The following OPN5 variants were observed in gnomAD, a reference collection of about 807,000 sequenced individuals.
The protein encoded by OPN5 is opsin-5.
In OPN5, 18 loss-of-function variants were observed where a neutral mutation model predicts 41.7. The observed-to-expected ratio is 0.43, with a 90% CI of 0.30 to 0.64. OPN5 has a LOEUF of 0.64. OPN5 is among the 30% of genes least tolerant of loss of function. OPN5 has a pLI of 0.13. For synonymous variants in OPN5, 178 were observed against 164.3 expected (o/e 1.08, Z -0.64); for missense variants, 318 against 434.5 (o/e 0.73, Z 2.38).
rs532885369 is a variant in OPN5, at chr6:47,808,997, A to T, written c.998+602A>T. On this transcript the variant is annotated intron_variant, in intron 5 of 6. Coordinates refer to ENST00000371211, the Ensembl canonical transcript of OPN5. ...ACAGCCAGAAAGTAGCAGAGGAGAAATTCAAATTCAAGTCTACTGGGTTTC... is the reference window on the plus strand; with the variant it reads ...ACAGCCAGAAAGTAGCAGAGGAGAATTTCAAATTCAAGTCTACTGGGTTTC... 5.3e-4 allele frequency among the ~76,000 whole-genome samples: 80 copies of T among 152,326 alleles called. 1 individual carries two copies. The South Asian group carries it at 0.016, about 30-fold the overall frequency.
intron 4 of OPN5, among the ~76,000 whole-genome samples, chr6:47,800,453 A>T (rs192044183): frequency 3.3e-5 from 5 of 152,308 alleles, no homozygotes; most frequent in Non-Finnish European, 1.5e-5. Context: ...TATGAGTGTC[A>T]GACATGCAAA....
intron 4 of OPN5, among the ~76,000 whole-genome samples, chr6:47,797,994 G>C (rs1421716165): frequency 6.6e-6 from 1 of 152,012 alleles, no homozygotes; most frequent in Non-Finnish European, 1.5e-5. Flanking sequence ...AATTTGATTT[G>C]TTATTATTCT....
In OPN5 at chr6:47,795,474, A is replaced by AT; in HGVS notation, c.669dup (p.Ala224CysfsTer4). The AT allele has an allele frequency of 6.2e-7, 1 of 1,614,120 alleles. No individual in the cohort carries two copies. Among genetic ancestry groups the AT allele is most frequent in the Non-Finnish European group, 8.5e-7 (1 of 1,179,980 alleles). The stretch of plus-strand genomic sequence containing the variant: ...GATCGTGTTCTCCTACGTAAAGATC[A>AT]TTGCCAAGGTTAAGTCCTCTTCCAA... On this transcript the variant is annotated frameshift_variant, in exon 4 of 7. Coordinates refer to ENST00000371211, the Ensembl canonical transcript of OPN5. LOFTEE classifies it high-confidence loss of function.
intron 6 of OPN5, among the ~76,000 whole-genome samples, chr6:47,819,618 A>G (rs1381807765): frequency 6.6e-6 from 1 of 151,790 alleles, no homozygotes; most frequent in Non-Finnish European, 1.5e-5. Flanking sequence ...CGTGTTTCCC[A>G]TTATAGTGTC....
Position 47,817,729 on chromosome 6 carries a change from T to C in OPN5, c.1056+5998T>C, listed in dbSNP as rs1162796361. On this transcript the variant is annotated intron_variant, in intron 6 of 6. Transcript: ENST00000371211. Reference sequence around the variant, plus strand: ...CTTTTCCCATTGGATGTGGTCACAGTCAGAGGTGTCCTGAGAAATAGTACC... The same window carrying C: ...CTTTTCCCATTGGATGTGGTCACAGCCAGAGGTGTCCTGAGAAATAGTACC... Among the ~76,000 whole-genome samples, 4 of 152,300 alleles carry C rather than the reference T, an allele frequency of 2.6e-5. No individual in the cohort carries two copies. In the East Asian group the frequency reaches 5.8e-4, roughly 22 times the overall value.
chr6:47,796,246 A>T (rs1773566409), intron 4 of OPN5, among the ~76,000 whole-genome samples: 1 of 152,226 alleles, frequency 6.6e-6, no homozygotes, highest in Non-Finnish European at 1.5e-5. Flanking sequence ...TCACTTGCAT[A>T]ACAGGAATAG....
intron 2 of OPN5, among the ~76,000 whole-genome samples, chr6:47,788,798 G>T (rs1773273321): frequency 3.4e-5 from 1 of 29,350 alleles, no homozygotes; most frequent in South Asian, 2.5e-3. Flanking sequence ...GTTATATTAG[G>T]ATAACCTGGG....
intron 6 of OPN5, among the ~76,000 whole-genome samples, chr6:47,816,686 C>T (rs552943479): frequency 1.1e-4 from 16 of 151,932 alleles, no homozygotes; most frequent in African/African-American, 3.9e-4. Context: ...ACTCAGGTGC[C>T]GTCATTTACC....
In OPN5 at chr6:47,823,976, T is replaced by C. The variant is rs761814745; in HGVS notation, c.1057-7T>C. The C allele has an allele frequency of 6.5e-7, 1 of 1,550,262 alleles. No homozygotes were observed. The highest frequency in any genetic ancestry group is 1.2e-5 in the South Asian group (1 of 84,030). ...CACCCTAAAACTCAATTTTTTCTTCTCTACAGTGGGAATAACAAATGTTCT... is the reference window on the plus strand; with the variant it reads ...CACCCTAAAACTCAATTTTTTCTTCCCTACAGTGGGAATAACAAATGTTCT... On this transcript the variant is annotated splice_polypyrimidine_tract_variant and splice_region_variant and intron_variant, in intron 6 of 6. Transcript: ENST00000371211.
At position 47,782,216 on chromosome 6, in the gene OPN5, C is replaced by T. The variant is rs200113583; in HGVS notation, c.130+20C>T. On this transcript the variant is annotated intron_variant, in intron 1 of 6. Coordinates refer to ENST00000371211, the Ensembl canonical transcript of OPN5. ...TAATTGGTAAGCTTCCTTAATTCTT[C>T]TGTGCAAAGGCTGCATTTAGAAAAT... is the stretch of plus-strand genomic sequence containing the variant. 3.1e-6 allele frequency: 5 copies of T among 1,610,484 alleles called. No homozygotes were observed. The African/African-American group carries it at 5.3e-5, about 17-fold the overall frequency.
At chr6:47,784,743 A>T (rs1475602894) in intron 1 of OPN5, among the ~76,000 whole-genome samples, 10 of 152,086 alleles carry the variant, frequency 6.6e-5, no homozygotes, top group Admixed American at 3.3e-4. Flanking sequence ...ATAAATTACA[A>T]ACCCATTTTC....
intron 2 of OPN5, among the ~76,000 whole-genome samples, chr6:47,791,443 G>C (rs1266979236): frequency 1.3e-5 from 2 of 152,210 alleles, no homozygotes; most frequent in Non-Finnish European, 2.9e-5. Flanking sequence ...GCAACAACAT[G>C]TTAAAAGTGA....
chr6:47,793,722 C>A, intron 3 of OPN5: 1 of 579,968 alleles, frequency 1.7e-6, no homozygotes, highest in Non-Finnish European at 2.2e-6. Flanking sequence ...CAGAACCAAT[C>A]TACTAATCTA....
intron 4 of OPN5, among the ~76,000 whole-genome samples, chr6:47,802,806 A>G (rs1377538970): frequency 6.6e-6 from 1 of 152,226 alleles, no homozygotes; most frequent in Admixed American, 6.5e-5. Context: ...TTTTGGACCA[A>G]AACCCCAAAA....
At chr6:47,792,608 G>A (rs1302672558) in intron 3 of OPN5, among the ~76,000 whole-genome samples, 2 of 152,160 alleles carry the variant, frequency 1.3e-5, no homozygotes, top group African/African-American at 4.8e-5. Flanking sequence ...CCATTCTACA[G>A]GTTAAAAATA....
chr6:47,801,552 TA>T (rs901095996), intron 4 of OPN5, among the ~76,000 whole-genome samples: 10 of 152,250 alleles, frequency 6.6e-5, no homozygotes, highest in Non-Finnish European at 1.2e-4. Flanking sequence ...TGTATTGCTT[TA>T]AAAAACCCCC....
exon 4 of OPN5, chr6:47,795,524 G>A: frequency 6.2e-7 from 1 of 1,613,986 alleles, no homozygotes; most frequent in Non-Finnish European, 8.5e-7. Context: ...TCGACAGTCG[G>A]ATCCATAGCA....
chr6:47,797,235 C>A (rs1214685206), intron 4 of OPN5, among the ~76,000 whole-genome samples: 1 of 152,066 alleles, frequency 6.6e-6, no homozygotes, highest in Non-Finnish European at 1.5e-5. Context: ...ACTCTACATG[C>A]CAAGTAGAGG....
intron 4 of OPN5, among the ~76,000 whole-genome samples, chr6:47,797,233 T>G (rs571295513): frequency 6.6e-6 from 1 of 152,164 alleles, no homozygotes; most frequent in African/African-American, 2.4e-5. Flanking sequence ...AAACTCTACA[T>G]GCCAAGTAGA....
Sources: allele counts gnomAD v4.1 joint callset (sites outside exome capture counted in the v4.1 genomes callset), GRCh38; gene constraint gnomAD v4.1.1; transcripts MANE v1.5; gene names NCBI Gene and HGNC (gene_info 2026-07-23, HGNC 2026-07-21).